ARHGAP24: variants seen among roughly 807,000 people sequenced by gnomAD.
ARHGAP24 encodes the protein rho GTPase-activating protein 24.
ARHGAP24 carries 50 observed loss-of-function variants against 76.4 expected under a neutral mutation model. That is an observed-to-expected ratio of 0.65 (90% CI 0.52 to 0.83). The LOEUF (loss-of-function observed/expected upper bound fraction) is 0.83, where lower values mean the gene tolerates loss of function less well. Among genes scored for constraint, ARHGAP24 ranks in the 40% least tolerant of loss-of-function variants. The pLI is 0.00. For synonymous variants in ARHGAP24, 345 were observed against 323.3 expected (o/e 1.07, Z -0.72); for missense variants, 930 against 914.2 (o/e 1.02, Z -0.22).
intron 3 of ARHGAP24, among the ~76,000 whole-genome samples, chr4:85,896,763 C>A (rs187401978): frequency 6.2e-4 from 94 of 152,232 alleles, no homozygotes; most frequent in African/African-American, 2.3e-3. Flanking sequence ...GTTTGGGGAG[C>A]CTCTGTTGAA....
chr4:85,870,921 G>C (rs149720871), intron 3 of ARHGAP24, among the ~76,000 whole-genome samples: 3 of 152,210 alleles, frequency 2.0e-5, no homozygotes, highest in African/African-American at 7.2e-5. Flanking sequence ...AAGTTTCCTT[G>C]TACCAAATAT....
At chr4:85,680,646 C>G (rs1427278112) in intron 2 of ARHGAP24, among the ~76,000 whole-genome samples, 1 of 151,956 alleles carries the variant, frequency 6.6e-6, no homozygotes, top group Middle Eastern at 3.2e-3. Flanking sequence ...TTAGAGGACT[C>G]AAGTGACTAA....
intron 2 of ARHGAP24, among the ~76,000 whole-genome samples, chr4:85,696,365 T>G (rs1723865515): frequency 6.6e-6 from 1 of 152,168 alleles, no homozygotes; most frequent in Non-Finnish European, 1.5e-5. Context: ...CAACTTTTAT[T>G]AGTGTCTAAC....
intron 3 of ARHGAP24, among the ~76,000 whole-genome samples, chr4:85,773,390 A>G (rs1391018004): frequency 6.6e-6 from 1 of 152,252 alleles, no homozygotes; most frequent in African/African-American, 2.4e-5. Context: ...TCCTTTCTGC[A>G]TACTTTATCC....
intron 2 of ARHGAP24, among the ~76,000 whole-genome samples, chr4:85,648,647 G>A (rs1721817285): frequency 1.3e-5 from 2 of 152,030 alleles, no homozygotes. Flanking sequence ...CATACAAGTG[G>A]AAACTGTTAT....
At chr4:85,832,706 T>C (rs1269571346) in intron 3 of ARHGAP24, among the ~76,000 whole-genome samples, 3 of 152,164 alleles carry the variant, frequency 2.0e-5, no homozygotes, top group African/African-American at 4.8e-5. Context: ...TGTAGCCATT[T>C]AGAAAAAAAG....
intron 1 of ARHGAP24, among the ~76,000 whole-genome samples, chr4:85,564,405 A>AG (rs1553914889): frequency 4.3e-4 from 54 of 126,610 alleles, no homozygotes; most frequent in Admixed American, 1.4e-3. Flanking sequence ...GGGTGGGGGG[A>AG]GCGGGGGGGA....
intron 3 of ARHGAP24, among the ~76,000 whole-genome samples, chr4:85,910,753 G>T (rs1286006126): frequency 6.6e-6 from 1 of 152,096 alleles, no homozygotes; most frequent in Non-Finnish European, 1.5e-5. Context: ...GCCTCAGAGG[G>T]TTGGAAGTGC....
At chr4:85,810,295 C>T (rs1472480772) in intron 3 of ARHGAP24, among the ~76,000 whole-genome samples, 1 of 152,164 alleles carries the variant, frequency 6.6e-6, no homozygotes, top group African/African-American at 2.4e-5. Context: ...TGTGAAATAA[C>T]AGGAATAATA....
intron 3 of ARHGAP24, among the ~76,000 whole-genome samples, chr4:85,918,779 T>A (rs1447205855): frequency 1.3e-5 from 2 of 152,138 alleles, no homozygotes; most frequent in Non-Finnish European, 2.9e-5. Flanking sequence ...TTCAATTAGA[T>A]ATAAACAAGT....
At chr4:85,816,726 A>T (rs1185901754) in intron 3 of ARHGAP24, among the ~76,000 whole-genome samples, 1 of 152,184 alleles carries the variant, frequency 6.6e-6, no homozygotes, top group East Asian at 1.9e-4. Flanking sequence ...TGCAATAAAC[A>T]TGGGAGTGCA....
chr4:85,574,149 G>C (rs756129349), intron 2 of ARHGAP24, among the ~76,000 whole-genome samples: 1 of 152,116 alleles, frequency 6.6e-6, no homozygotes, highest in African/African-American at 2.4e-5. Context: ...CCCATGAAAT[G>C]TGTGTCCTTC....
chr4:85,919,461 A>T (rs1735599725), intron 3 of ARHGAP24, among the ~76,000 whole-genome samples: 1 of 152,170 alleles, frequency 6.6e-6, no homozygotes, highest in Admixed American at 6.6e-5. Flanking sequence ...CCACACCCTT[A>T]GTAATAAGTC....
At chr4:85,667,268 C>A (rs137876086) in intron 2 of ARHGAP24, among the ~76,000 whole-genome samples, 1 of 152,144 alleles carries the variant, frequency 6.6e-6, no homozygotes, top group Non-Finnish European at 1.5e-5. Flanking sequence ...TGCTAGCAAT[C>A]GGTGAGACTC....
At chr4:85,653,724 A>T (rs1234588473) in intron 2 of ARHGAP24, among the ~76,000 whole-genome samples, 1 of 152,052 alleles carries the variant, frequency 6.6e-6, no homozygotes, top group Non-Finnish European at 1.5e-5. Flanking sequence ...ACCTCAAGTG[A>T]TCCACCCACC....
chr4:85,867,362 T>C (rs1377191306), intron 3 of ARHGAP24, among the ~76,000 whole-genome samples: 2 of 152,284 alleles, frequency 1.3e-5, no homozygotes, highest in East Asian at 3.9e-4. Context: ...CTAGTGCGTT[T>C]ACACTCAAAG....
intron 9 of ARHGAP24, among the ~76,000 whole-genome samples, chr4:85,998,747 G>T (rs1740830415): frequency 6.6e-6 from 1 of 152,270 alleles, no homozygotes; most frequent in Middle Eastern, 3.4e-3. Context: ...CCAGGCCCAT[G>T]ATTGGAGATT....
At chr4:85,956,164 T>A (rs1222098451) in intron 5 of ARHGAP24, among the ~76,000 whole-genome samples, 4 of 152,188 alleles carry the variant, frequency 2.6e-5, no homozygotes, top group African/African-American at 9.7e-5. Flanking sequence ...TCCCAGGAAT[T>A]TGCCTAAGGC....
intron 3 of ARHGAP24, among the ~76,000 whole-genome samples, chr4:85,838,206 A>G (rs1437003063): frequency 6.6e-6 from 1 of 152,236 alleles, no homozygotes; most frequent in Admixed American, 6.5e-5. Flanking sequence ...AACTAGTGGC[A>G]GGGTCAGAAT....
Sources: gnomAD v4.1 joint callset for allele counts (sites outside exome capture counted in the v4.1 genomes callset) on GRCh38, gnomAD v4.1.1 for gene constraint, MANE v1.5 for transcripts, NCBI Gene and HGNC (gene_info 2026-07-23, HGNC 2026-07-21) for gene names.